The following TRAK1 variants were observed in gnomAD, a reference collection of about 807,000 sequenced individuals.
TRAK1 encodes trafficking kinesin protein 1.
A neutral mutation model predicts 92.1 loss-of-function variants in TRAK1; 33 were observed. The observed-to-expected ratio is 0.36, with a 90% CI of 0.27 to 0.48. The LOEUF (loss-of-function observed/expected upper bound fraction) is 0.48. TRAK1 is among the 20% of genes least tolerant of loss of function. The pLI, the probability that TRAK1 is intolerant of heterozygous loss-of-function variation, is 0.99. For missense variants in TRAK1, 1,123 were observed against 1,257.9 expected, an observed-to-expected ratio of 0.89 and a Z score of 1.62; for synonymous variants, 521 against 517.3, an observed-to-expected ratio of 1.01 and a Z score of -0.10.
At chr3:42,220,062 T>C (rs58630801) in intron 15 of TRAK1, among the ~76,000 whole-genome samples, 19,417 of 152,094 alleles carry the variant, frequency 0.13, 1,697 homozygotes, top group African/African-American at 0.25. Flanking sequence ...CCAGGCCCTA[T>C]GGCTAAAGTC....
At position 42,209,923 on chromosome 3, in the gene TRAK1, G is replaced by T; in HGVS notation, c.1901G>T (p.Gly634Val). ...CLNDFEEDDT[G>V]DHISLPRLAT... ...AACGACTTTGAAGAAGATGACACAG[G>T]TGACCACATTTCTCTCCCACGCCTA... Residue 634 changes from glycine (G) to valine (V), a missense_variant, in exon 14 of 16, where the codon GGT (glycine) becomes GTT (valine). By Grantham distance (109) the Gly-to-Val change is moderately radical. Around this residue, in one of 3 missense-constraint regions of TRAK1, gnomAD observed 401 missense variants for 438.9 expected, o/e 0.91. Coordinates refer to ENST00000327628, the MANE Select transcript of TRAK1 (RefSeq NM_001042646.3). The T allele has an allele frequency of 6.2e-7, 1 of 1,614,182 alleles. No homozygotes were observed. Among genetic ancestry groups the T allele is most frequent in the Non-Finnish European group, 8.5e-7 (1 of 1,180,034 alleles).
At chr3:42,180,171 T>C (rs1053226794) in intron 3 of TRAK1, among the ~76,000 whole-genome samples, 1 of 152,174 alleles carries the variant, frequency 6.6e-6, no homozygotes, top group African/African-American at 2.4e-5. Flanking sequence ...GAGAAAAAAC[T>C]AGAGACACTA....
chr3:42,199,251 C>G lies in TRAK1; in HGVS notation c.1188C>G (p.Ile396Met). 1.2e-6 allele frequency: 2 copies of G among 1,614,054 alleles called. No homozygotes were observed. The highest frequency in any genetic ancestry group is 1.7e-6 in the Non-Finnish European group (2 of 1,180,006). ...TGGAAGAGGCCGAGTCTCCAGACAT[C>G]ACGTACGGCCACAGTTTTTACAGTT... ...LQLEEAESPDITHQKRVFETV... is the reference protein window; with the variant it reads ...LQLEEAESPDMTHQKRVFETV... Residue 396 changes from isoleucine to methionine, a missense_variant and splice_region_variant, in exon 11 of 16, where the codon ATC (isoleucine) becomes ATG (methionine). Ile to Met is a conservative substitution (Grantham distance 10). Transcript: ENST00000327628.
chr3:42,209,670 A>G, intron 13 of TRAK1, 97 bp from the exon 14 acceptor site: 2 of 1,256,142 alleles, frequency 1.6e-6, no homozygotes, highest in Non-Finnish European at 2.2e-6. Flanking sequence ...GGTTCACGCT[A>G]AGCACTTTGA....
At chr3:42,068,106 C>G (rs1703758915) in intron 1 of TRAK1, among the ~76,000 whole-genome samples, 1 of 150,762 alleles carries the variant, frequency 6.6e-6, no homozygotes, top group Non-Finnish European at 1.5e-5. Context: ...TTGCAGTGAG[C>G]CAAGATCATA....
rs10634555 is a variant in TRAK1, at chr3:42,210,085, C to CGGAGGAGGA, written c.1963+124_1963+132dup. ...GAGATGCAGGAGCCGCCAGCGGCCACGGAGGAGGAGGAGGAGGAGGAGGAG... is the reference window on the plus strand; with the variant it reads ...GAGATGCAGGAGCCGCCAGCGGCCACGGAGGAGGAGGAGGAGGAGGAGGAGGAGGAGGAG... On this transcript the variant is annotated intron_variant, in intron 14 of 15. Coordinates refer to ENST00000327628, the MANE Select transcript of TRAK1 (RefSeq NM_001042646.3). 3.1e-3 allele frequency: 4,882 copies of CGGAGGAGGA among 1,577,068 alleles called. 4 individuals are homozygous for CGGAGGAGGA. Among genetic ancestry groups the CGGAGGAGGA allele is most frequent in the East Asian group, 0.014 (618 of 43,746 alleles).
chr3:42,045,363 C>T (rs902487915), intron 1 of TRAK1, among the ~76,000 whole-genome samples: 2 of 152,098 alleles, frequency 1.3e-5, no homozygotes, highest in East Asian at 3.9e-4. Context: ...GACGAAACCC[C>T]ATCTCTACTA....
intron 14 of TRAK1, chr3:42,217,537 C>G (rs1709857490): frequency 1.0e-5 from 10 of 985,324 alleles, no homozygotes; most frequent in Non-Finnish European, 1.2e-5. Flanking sequence ...AATTGAAGAT[C>G]CAATATGTAA....
At position 42,130,619 on chromosome 3, in the gene TRAK1, A is replaced by G. The variant is rs74320220; in HGVS notation, c.286+5005A>G. On this transcript the variant is annotated intron_variant, in intron 2 of 15. Transcript: ENST00000327628. ...TTATTTTTTTCCGTGACCTAACCCA[A>G]GGACTTTGCACTGGGTTGGACCAAT... is the stretch of plus-strand genomic sequence containing the variant. Among the ~76,000 whole-genome samples the G allele has an allele frequency of 3.4e-3, 524 of 152,196 alleles. 1 individual carries two copies. Among genetic ancestry groups the G allele is most frequent in the African/African-American group, 0.012 (483 of 41,520 alleles).
intron 13 of TRAK1, 35 bp from the exon 14 acceptor site, chr3:42,209,732 T>G (rs749064754): frequency 1.0e-5 from 16 of 1,594,726 alleles, no homozygotes; most frequent in Non-Finnish European, 1.1e-5. Flanking sequence ...TCTCTTCTCC[T>G]TGTCCCCCTT....
intron 2 of TRAK1, among the ~76,000 whole-genome samples, chr3:42,138,877 GT>G (rs1438256895): frequency 6.7e-4 from 36 of 53,682 alleles, no homozygotes; most frequent in East Asian, 1.9e-3. Flanking sequence ...AGCATAGGGG[GT>G]GTGTGTGTGT....
chr3:42,137,470 A>G lies in TRAK1; in HGVS notation c.286+11856A>G, dbSNP rs74638276. 6.1e-3 allele frequency among the ~76,000 whole-genome samples: 928 copies of G among 152,334 alleles called. 38 individuals are homozygous for G. In the East Asian group the frequency reaches 0.11, roughly 18 times the overall value. The stretch of plus-strand genomic sequence containing the variant: ...TGTGCAGGTTGTTATTCATTAGTGA[A>G]TGTTTGGAAAATAACAAACAGGTAA... On this transcript the variant is annotated intron_variant, in intron 2 of 15. Coordinates refer to ENST00000327628, the MANE Select transcript of TRAK1 (RefSeq NM_001042646.3).
At chr3:42,187,944 C>T in intron 4 of TRAK1, 101 bp from the exon 5 acceptor site, 2 of 994,288 alleles carry the variant, frequency 2.0e-6, no homozygotes, top group Non-Finnish European at 3.1e-6. Flanking sequence ...GGTGAATTTT[C>T]AGAAAAATAT....
chr3:42,158,090 A>C (rs1161666558), intron 2 of TRAK1, among the ~76,000 whole-genome samples: 1 of 152,180 alleles, frequency 6.6e-6, no homozygotes, highest in East Asian at 1.9e-4. Context: ...AAAGTAATGA[A>C]GTCATGTTCT....
intron 14 of TRAK1, among the ~76,000 whole-genome samples, chr3:42,213,684 G>T (rs371666690): frequency 2.1e-4 from 32 of 152,360 alleles, no homozygotes; most frequent in African/African-American, 7.2e-4. Context: ...ACAGACCACA[G>T]AACTGGGGTT....
In TRAK1 at chr3:42,176,901, C is replaced by A. The variant is rs747902912; in HGVS notation, c.363+11C>A. On this transcript the variant is annotated intron_variant, in intron 3 of 15. Coordinates refer to ENST00000327628, the MANE Select transcript of TRAK1 (RefSeq NM_001042646.3). ...CGGCTTCTTGAGGAGGTAAGTGCTC[C>A]AGGGGAAGGCAAAAGAGTTGTTTAT... is the stretch of plus-strand genomic sequence containing the variant. The A allele has an allele frequency of 1.2e-6, 2 of 1,612,676 alleles. No individual in the cohort carries two copies. Among genetic ancestry groups the A allele is most frequent in the Non-Finnish European group, 1.7e-6 (2 of 1,178,808 alleles).
intron 1 of TRAK1, among the ~76,000 whole-genome samples, chr3:42,119,122 T>A (rs1219979984): frequency 6.6e-6 from 1 of 152,102 alleles, no homozygotes; most frequent in Non-Finnish European, 1.5e-5. Context: ...GAAGGTAAGG[T>A]GGATAATTCA....
At chr3:42,193,981 C>A in intron 9 of TRAK1, 83 bp downstream of exon 9, 2 of 1,165,050 alleles carry the variant, frequency 1.7e-6, no homozygotes, top group South Asian at 1.4e-5. Flanking sequence ...TAGTCACGTC[C>A]ATCGCAACTA....
chr3:42,095,984 A>G (rs1705860619), intron 1 of TRAK1, among the ~76,000 whole-genome samples: 1 of 152,140 alleles, frequency 6.6e-6, no homozygotes, highest in Admixed American at 6.5e-5. Context: ...TGAACCAGGA[A>G]CCAAGCCCTT....
Sources: gnomAD v4.1 joint callset for allele counts (sites outside exome capture counted in the v4.1 genomes callset) on GRCh38, gnomAD v4.1.1 for gene constraint, gnomAD v4.1.1 regional missense constraint, MANE v1.5 for transcripts, NCBI Gene and HGNC (gene_info 2026-07-23, HGNC 2026-07-21) for gene names.